HMGCLL1: variants seen among roughly 807,000 people sequenced by gnomAD.
HMGCLL1 encodes the protein 3-hydroxymethyl-3-methylglutaryl-CoA lyase, cytoplasmic.
A neutral mutation model predicts 39.1 loss-of-function variants in HMGCLL1; 36 were observed. That is an observed-to-expected ratio of 0.92 (90% confidence interval 0.71 to 1.22). The LOEUF (loss-of-function observed/expected upper bound fraction) is 1.22, where lower values mean the gene tolerates loss of function less well. HMGCLL1 is among the 50% of genes most tolerant of loss of function. The probability of loss-of-function intolerance (pLI) is 0.00; values close to 1 mark genes in which losing one functional copy is unlikely to be tolerated. For missense variants in HMGCLL1, 451 were observed against 416.5 expected, an observed-to-expected ratio of 1.08 and a Z score of -0.72; for synonymous variants, 149 against 144.0, an observed-to-expected ratio of 1.03 and a Z score of -0.25.
chr6:55,637,041 A>G, the HMGCLL1 span, among the ~76,000 whole-genome samples: 37 of 152,224 alleles, frequency 2.4e-4, no homozygotes, highest in African/African-American at 8.2e-4. Flanking sequence ...GCTAAAAAAT[A>G]AAAACAAATG....
chr6:55,608,183 G>T, the HMGCLL1 span, among the ~76,000 whole-genome samples: 1 of 152,108 alleles, frequency 6.6e-6, no homozygotes, highest in Non-Finnish European at 1.5e-5. Context: ...AGAACCTACT[G>T]CTACTACTTT....
At chr6:55,629,755 A>G in the HMGCLL1 span, among the ~76,000 whole-genome samples, 1 of 152,100 alleles carries the variant, frequency 6.6e-6, no homozygotes, top group Non-Finnish European at 1.5e-5. Flanking sequence ...GGACCAACAT[A>G]GAGCTCAGGC....
intron 7 of HMGCLL1, among the ~76,000 whole-genome samples, chr6:55,468,939 C>A (rs1176475249): frequency 7.1e-6 from 1 of 140,412 alleles, no homozygotes; most frequent in Non-Finnish European, 1.5e-5. Context: ...CTAGAGACTA[C>A]AAAATATGTT....
intron 6 of HMGCLL1, 47 bp from the exon 7 acceptor site, chr6:55,495,654 C>T (rs749197149): frequency 7.1e-7 from 1 of 1,413,658 alleles, no homozygotes; most frequent in Non-Finnish European, 9.6e-7. Context: ...AATGAAGAGA[C>T]TCAAACCCTC....
intron 5 of HMGCLL1, chr6:55,512,880 C>T (rs1767535697): frequency 6.6e-6 from 1 of 152,104 alleles, no homozygotes; most frequent in Non-Finnish European, 1.5e-5. Context: ...GTGTGTTCAT[C>T]ATATCTCCAT....
chr6:55,586,478 T>A, the HMGCLL1 span, among the ~76,000 whole-genome samples: 1 of 152,068 alleles, frequency 6.6e-6, no homozygotes, highest in Non-Finnish European at 1.5e-5. Context: ...ATGTGCCATG[T>A]CGGTGTGCTG....
intron 7 of HMGCLL1, among the ~76,000 whole-genome samples, chr6:55,460,423 G>A (rs1246984676): frequency 6.6e-6 from 1 of 151,812 alleles, no homozygotes; most frequent in Non-Finnish European, 1.5e-5. Flanking sequence ...GAAACTCATA[G>A]AAAGCACTAA....
At chr6:55,521,233 T>C (rs1272980360) in intron 3 of HMGCLL1, among the ~76,000 whole-genome samples, 2 of 152,036 alleles carry the variant, frequency 1.3e-5, no homozygotes, top group Non-Finnish European at 2.9e-5. Flanking sequence ...TCACCCAAAT[T>C]CCCTGAGATT....
At chr6:55,580,602 A>T (rs6901666), upstream of HMGCLL1, among the ~76,000 whole-genome samples, 7,103 of 151,398 alleles carry the variant, frequency 0.047, 525 homozygotes, top group African/African-American at 0.16. Context: ...TTTTTAGTAG[A>T]GACGGGGTTT....
At chr6:55,508,187 C>G (rs1767264100) in intron 5 of HMGCLL1, among the ~76,000 whole-genome samples, 1 of 151,762 alleles carries the variant, frequency 6.6e-6, no homozygotes, top group Non-Finnish European at 1.5e-5. Flanking sequence ...AATTTTTGAA[C>G]CATGAATTCT....
intron 8 of HMGCLL1, among the ~76,000 whole-genome samples, chr6:55,438,824 T>A (rs769292710): frequency 6.6e-6 from 1 of 152,050 alleles, no homozygotes; most frequent in African/African-American, 2.4e-5. Flanking sequence ...CCTAAATAAA[T>A]CGGTTCTATA....
At chr6:55,616,245 T>C in the HMGCLL1 span, among the ~76,000 whole-genome samples, 4 of 152,084 alleles carry the variant, frequency 2.6e-5, no homozygotes, top group African/African-American at 9.7e-5. Flanking sequence ...TGATACAAAA[T>C]TGATGCTTCA....
chr6:55,623,927 T>C, the HMGCLL1 span, among the ~76,000 whole-genome samples: 1 of 152,014 alleles, frequency 6.6e-6, no homozygotes, highest in East Asian at 1.9e-4. Flanking sequence ...AGGGACCGAC[T>C]GTAAGTCAGA....
chr6:55,616,311 C>G, the HMGCLL1 span, among the ~76,000 whole-genome samples: 4 of 152,194 alleles, frequency 2.6e-5, no homozygotes, highest in East Asian at 3.9e-4. Context: ...CTAAGGCCAT[C>G]ATGTAAACAA....
At chr6:55,464,557 C>A (rs1032216441) in intron 7 of HMGCLL1, among the ~76,000 whole-genome samples, 4 of 151,862 alleles carry the variant, frequency 2.6e-5, no homozygotes, top group African/African-American at 9.7e-5. Flanking sequence ...GATTCAGTTT[C>A]ATTCAGATTA....
chr6:55,477,270 TATATATTA>T, intron 7 of HMGCLL1, among the ~76,000 whole-genome samples: 1 of 14,906 alleles, frequency 6.7e-5, no homozygotes, highest in Non-Finnish European at 9.1e-5. Flanking sequence ...TATTATATAA[TATATATTA>T]TATATTATAT....
At chr6:55,484,739 TA>T (rs1765925580) in intron 7 of HMGCLL1, among the ~76,000 whole-genome samples, 1 of 151,872 alleles carries the variant, frequency 6.6e-6, no homozygotes, top group East Asian at 1.9e-4. Context: ...ACCACCCCTA[TA>T]GTTACCACAT....
At chr6:55,544,693 T>C (rs974646602) in intron 1 of HMGCLL1, among the ~76,000 whole-genome samples, 2 of 152,208 alleles carry the variant, frequency 1.3e-5, no homozygotes, top group Non-Finnish European at 2.9e-5. Context: ...ATTGGTTTTA[T>C]CAGCATTCTG....
the HMGCLL1 span, among the ~76,000 whole-genome samples, chr6:55,594,216 A>G: frequency 9.5e-4 from 144 of 152,288 alleles, no homozygotes; most frequent in African/African-American, 3.3e-3. Context: ...TATTCCTTAA[A>G]CAGTTGATTT....
Sources: gnomAD v4.1 joint callset for allele counts (sites outside exome capture counted in the v4.1 genomes callset) on GRCh38, gnomAD v4.1.1 for gene constraint, MANE v1.5 for transcripts, NCBI Gene and HGNC (gene_info 2026-07-23, HGNC 2026-07-21) for gene names.